The following ADARB2 variants were observed in gnomAD, a reference collection of about 807,000 sequenced individuals.
ADARB2 encodes adenosine deaminase RNA specific B2 (inactive).
A neutral mutation model predicts 62.2 loss-of-function variants in ADARB2; 25 were observed. The observed-to-expected ratio is 0.40, with a 90% CI of 0.29 to 0.56. The LOEUF (loss-of-function observed/expected upper bound fraction) is 0.56, where lower values mean the gene tolerates loss of function less well. ADARB2 is among the 20% of genes least tolerant of loss of function. ADARB2 has a pLI of 0.43. For synonymous variants in ADARB2, 572 were observed against 500.8 expected (o/e 1.14, Z -1.90); for missense variants, 1,071 against 1,077.4 (o/e 0.99, Z 0.08).
chr10:1,415,794 C>A (rs1282616676), intron 1 of ADARB2, among the ~76,000 whole-genome samples: 1 of 152,142 alleles, frequency 6.6e-6, no homozygotes, highest in African/African-American at 2.4e-5. Flanking sequence ...AAATTATCAT[C>A]TTATGTGAAA....
chr10:1,710,675 T>A (rs952374543), intron 1 of ADARB2, among the ~76,000 whole-genome samples: 7 of 152,256 alleles, frequency 4.6e-5, no homozygotes, highest in Non-Finnish European at 7.3e-5. Context: ...CAGCGTGGAC[T>A]GCAGAGAGGC....
At chr10:1,314,443 TTCCTCC>T (rs147004052) in intron 3 of ADARB2, among the ~76,000 whole-genome samples, 37 of 150,704 alleles carry the variant, frequency 2.5e-4, no homozygotes, top group Admixed American at 1.5e-3. Context: ...CAGCCAGTCC[TTCCTCC>T]TCCTCCTCCT....
At chr10:1,641,612 T>A (rs903850275) in intron 1 of ADARB2, among the ~76,000 whole-genome samples, 1 of 152,224 alleles carries the variant, frequency 6.6e-6, no homozygotes, top group Non-Finnish European at 1.5e-5. Context: ...AGAGTGTGGC[T>A]GGGAGACTCT....
At chr10:1,569,272 GAGAC>G (rs1418281954) in intron 1 of ADARB2, among the ~76,000 whole-genome samples, 3 of 151,962 alleles carry the variant, frequency 2.0e-5, no homozygotes, top group Admixed American at 6.6e-5. Flanking sequence ...GCGAGAGAGA[GAGAC>G]AGAGAGAGAG....
intron 1 of ADARB2, among the ~76,000 whole-genome samples, chr10:1,681,234 G>C (rs1834533402): frequency 6.6e-6 from 1 of 152,160 alleles, no homozygotes; most frequent in Non-Finnish European, 1.5e-5. Context: ...AGTTTACCTT[G>C]TAGTAGCAAT....
intron 1 of ADARB2, among the ~76,000 whole-genome samples, chr10:1,713,954 T>G (rs996698978): frequency 7.2e-5 from 11 of 152,240 alleles, no homozygotes; most frequent in Non-Finnish European, 1.3e-4. Context: ...CCTGGAGCTC[T>G]GAGGGCAAAG....
At chr10:1,569,076 GACAC>G (rs57423136) in intron 1 of ADARB2, among the ~76,000 whole-genome samples, 11 of 151,820 alleles carry the variant, frequency 7.2e-5, no homozygotes, top group African/African-American at 2.4e-4. Context: ...GACAGAGACA[GACAC>G]ACAGAGACAG....
intron 1 of ADARB2, among the ~76,000 whole-genome samples, chr10:1,732,657 G>A (rs1835248700): frequency 6.6e-6 from 1 of 152,232 alleles, no homozygotes; most frequent in African/African-American, 2.4e-5. Flanking sequence ...AGCGAGATAA[G>A]CGGAGGATGT....
At chr10:1,209,799 T>C (rs538793255) in intron 7 of ADARB2, among the ~76,000 whole-genome samples, 3 of 152,278 alleles carry the variant, frequency 2.0e-5, no homozygotes, top group African/African-American at 7.2e-5. Flanking sequence ...GTGCACTGAA[T>C]GACTGTGGCC....
intron 3 of ADARB2, among the ~76,000 whole-genome samples, chr10:1,278,599 TTC>T (rs1300582172): frequency 2.7e-5 from 4 of 148,540 alleles, no homozygotes; most frequent in African/African-American, 1.0e-4. Flanking sequence ...CATGATTTCA[TTC>T]TTTTTTTTTT....
At chr10:1,415,759 T>C (rs1388416588) in intron 1 of ADARB2, among the ~76,000 whole-genome samples, 7 of 152,268 alleles carry the variant, frequency 4.6e-5, no homozygotes, top group Non-Finnish European at 4.4e-5. Flanking sequence ...ATTTGTTTGA[T>C]TCTATTGATC....
intron 3 of ADARB2, among the ~76,000 whole-genome samples, chr10:1,275,426 C>T (rs1370549301): frequency 8.5e-5 from 13 of 152,232 alleles, no homozygotes; most frequent in Admixed American, 7.2e-4. Context: ...CAGGCAGCAG[C>T]CATGGCGCCC....
intron 4 of ADARB2, among the ~76,000 whole-genome samples, chr10:1,263,792 C>T (rs11817876): frequency 0.027 from 4,105 of 152,282 alleles, 178 homozygotes; most frequent in African/African-American, 0.093. Context: ...GGTTTTCATC[C>T]GCACCCTGTG....
intron 8 of ADARB2, among the ~76,000 whole-genome samples, chr10:1,190,054 G>T (rs912322793): frequency 1.3e-5 from 2 of 152,130 alleles, no homozygotes. Flanking sequence ...GACAGAGCCT[G>T]TGTCGTCTGA....
chr10:1,682,396 T>C (rs1463827941), intron 1 of ADARB2, among the ~76,000 whole-genome samples: 1 of 152,210 alleles, frequency 6.6e-6, no homozygotes, highest in Non-Finnish European at 1.5e-5. Flanking sequence ...GAAAGCTGCC[T>C]GGGAAGCCAT....
chr10:1,449,051 C>A (rs76869288), intron 1 of ADARB2, among the ~76,000 whole-genome samples: 2 of 152,152 alleles, frequency 1.3e-5, no homozygotes, highest in Non-Finnish European at 2.9e-5. Context: ...TCCTGCACAC[C>A]GGGATTCAAG....
At chr10:1,340,777 C>T (rs1428206162) in intron 3 of ADARB2, among the ~76,000 whole-genome samples, 5 of 145,290 alleles carry the variant, frequency 3.4e-5, no homozygotes, top group African/African-American at 1.1e-4. Flanking sequence ...GCGGCGATAA[C>T]CAGCATCCAC....
At chr10:1,293,215 GGA>G (rs1354404797) in intron 3 of ADARB2, among the ~76,000 whole-genome samples, 12 of 101,720 alleles carry the variant, frequency 1.2e-4, no homozygotes, top group African/African-American at 7.4e-5. Flanking sequence ...AGGGAGGGAG[GGA>G]GAGAGGGACG....
At chr10:1,508,134 G>A (rs541591633) in intron 1 of ADARB2, among the ~76,000 whole-genome samples, 7 of 152,120 alleles carry the variant, frequency 4.6e-5, no homozygotes, top group Admixed American at 1.3e-4. Context: ...AGCAGCACAC[G>A]GCCAGCGAGA....
Sources: allele counts gnomAD v4.1 joint callset (sites outside exome capture counted in the v4.1 genomes callset), GRCh38; gene constraint gnomAD v4.1.1; transcripts MANE v1.5; gene names NCBI Gene and HGNC (gene_info 2026-07-23, HGNC 2026-07-21).